Variants in RBM6 observed in about 807,000 individuals in gnomAD.
RBM6 encodes RNA binding motif protein 6.
A neutral mutation model predicts 140.4 loss-of-function variants in RBM6; 23 were observed. The observed-to-expected ratio is 0.16, with a 90% CI of 0.12 to 0.23. The LOEUF is 0.23. RBM6 is among the 10% of genes least tolerant of loss of function. The probability of loss-of-function intolerance (pLI) is 1.00; values close to 1 mark genes in which losing one functional copy is unlikely to be tolerated. For synonymous variants in RBM6, 439 were observed against 475.6 expected, an observed-to-expected ratio of 0.92 and a Z score of 1.00; for missense variants, 1,139 against 1,386.7, an observed-to-expected ratio of 0.82 and a Z score of 2.84.
At chr3:49,981,905 T>C (rs1161580082) in intron 5 of RBM6, among the ~76,000 whole-genome samples, 5 of 152,196 alleles carry the variant, frequency 3.3e-5, no homozygotes. Flanking sequence ...ATTTATATCA[T>C]TTAAGCAAAA....
intron 19 of RBM6, among the ~76,000 whole-genome samples, chr3:50,073,551 C>T (rs2090368423): frequency 6.6e-6 from 1 of 152,114 alleles, no homozygotes; most frequent in East Asian, 1.9e-4. Flanking sequence ...GATTATGTTT[C>T]CAACATATGT....
chr3:49,970,845 T>C (rs2084756009), intron 3 of RBM6, among the ~76,000 whole-genome samples: 1 of 151,618 alleles, frequency 6.6e-6, no homozygotes, highest in Non-Finnish European at 1.5e-5. Flanking sequence ...GGAAGAAAAA[T>C]AAGGCCAGGC....
At chr3:50,072,325 G>A (rs1182247759) in intron 19 of RBM6, among the ~76,000 whole-genome samples, 1 of 151,438 alleles carries the variant, frequency 6.6e-6, no homozygotes, top group Admixed American at 6.6e-5. Context: ...CAGGAGAATC[G>A]CTTGAACATG....
chr3:50,047,533 C>T (rs2089279069), intron 6 of RBM6, among the ~76,000 whole-genome samples: 2 of 152,172 alleles, frequency 1.3e-5, no homozygotes, highest in African/African-American at 4.8e-5. Flanking sequence ...TGTTCCTGTG[C>T]CAGACTTTCC....
chr3:50,032,063 C>T (rs1438630108), intron 6 of RBM6, among the ~76,000 whole-genome samples: 1 of 152,178 alleles, frequency 6.6e-6, no homozygotes, highest in Non-Finnish European at 1.5e-5. Context: ...TTAGTCATAG[C>T]CACACTTCAG....
intron 5 of RBM6, 118 bp downstream of exon 5, chr3:49,975,510 C>A: frequency 1.2e-6 from 1 of 813,356 alleles, no homozygotes; most frequent in Non-Finnish European, 2.1e-6. Flanking sequence ...CAGAAGCCTC[C>A]CGTTGGTGCC....
intron 2 of RBM6, among the ~76,000 whole-genome samples, chr3:49,963,291 T>C (rs1003305143): frequency 6.6e-6 from 1 of 151,974 alleles, no homozygotes; most frequent in African/African-American, 2.4e-5. Context: ...TGGAGTGCAG[T>C]GGTGCGATCT....
chr3:50,025,444 C>G (rs566345811), intron 6 of RBM6, among the ~76,000 whole-genome samples: 1 of 151,080 alleles, frequency 6.6e-6, no homozygotes, highest in Non-Finnish European at 1.5e-5. Flanking sequence ...CAAAACACCA[C>G]GGAATTGTTA....
chr3:49,991,943 T>TTTTATTTTATTTTATTTTA (rs1553645330), intron 5 of RBM6, among the ~76,000 whole-genome samples: 2 of 150,594 alleles, frequency 1.3e-5, no homozygotes, highest in African/African-American at 4.9e-5. Flanking sequence ...TTTTATTTTA[T>TTTTATTTTATTTTATTTTA]TTTATTTATT....
chr3:50,026,285 G>A (rs536003055), intron 6 of RBM6, among the ~76,000 whole-genome samples: 26 of 151,410 alleles, frequency 1.7e-4, no homozygotes, highest in Non-Finnish European at 3.4e-4. Context: ...GTTTCACCAT[G>A]TTGGCCAGGC....
At chr3:49,986,329 T>C (rs1002263015) in intron 5 of RBM6, among the ~76,000 whole-genome samples, 15 of 151,252 alleles carry the variant, frequency 9.9e-5, no homozygotes, top group Admixed American at 9.8e-4. Flanking sequence ...GTGCGGTGGC[T>C]CACGCGTGTG....
chr3:50,061,919 CTG>C (rs2089957965), intron 14 of RBM6, 41 bp from the exon 15 acceptor site: 1 of 1,590,614 alleles, frequency 6.3e-7, no homozygotes, highest in East Asian at 2.2e-5. Flanking sequence ...TGCTGGGAAA[CTG>C]AAACATTCTG....
At chr3:49,984,484 A>G (rs1411977394) in intron 5 of RBM6, among the ~76,000 whole-genome samples, 1 of 152,102 alleles carries the variant, frequency 6.6e-6, no homozygotes, top group Non-Finnish European at 1.5e-5. Context: ...GTGTATGCCT[A>G]TAATCCCAGT....
chr3:50,055,101 C>T (rs982034454), intron 8 of RBM6, among the ~76,000 whole-genome samples: 2 of 152,324 alleles, frequency 1.3e-5, no homozygotes, highest in South Asian at 2.1e-4. Context: ...CGATTACAGG[C>T]GTGAACCACC....
intron 1 of RBM6, 79 bp from the exon 2 acceptor site, chr3:49,962,497 A>G (rs2084329139): frequency 2.8e-6 from 2 of 703,322 alleles, no homozygotes; most frequent in Admixed American, 2.8e-5. Context: ...GTGGTCCCTC[A>G]TAAACCAAGC....
chr3:50,043,482 T>A (rs2089040278), intron 6 of RBM6, among the ~76,000 whole-genome samples: 1 of 90,508 alleles, frequency 1.1e-5, no homozygotes, highest in South Asian at 6.7e-4. Flanking sequence ...AGCAAGACCC[T>A]GTCTCAAAAA....
intron 6 of RBM6, among the ~76,000 whole-genome samples, chr3:50,023,387 C>T (rs2087619986): frequency 6.6e-6 from 1 of 152,122 alleles, no homozygotes; most frequent in Non-Finnish European, 1.5e-5. Flanking sequence ...CTGACTGCAA[C>T]CTCCGCCTCC....
At chr3:50,019,398 C>T (rs1251516205) in intron 6 of RBM6, among the ~76,000 whole-genome samples, 1 of 152,106 alleles carries the variant, frequency 6.6e-6, no homozygotes, top group Non-Finnish European at 1.5e-5. Context: ...CTTTCTAATC[C>T]ATATACCTTT....
At chr3:49,942,158 G>C (rs1365512491) in intron 1 of RBM6, among the ~76,000 whole-genome samples, 2 of 151,284 alleles carry the variant, frequency 1.3e-5, no homozygotes, top group Admixed American at 1.3e-4. Context: ...GTATGTTTAT[G>C]TATATTTTAA....
Sources: allele counts gnomAD v4.1 joint callset (sites outside exome capture counted in the v4.1 genomes callset), GRCh38; gene constraint gnomAD v4.1.1; transcripts MANE v1.5; gene names NCBI Gene and HGNC (gene_info 2026-07-23, HGNC 2026-07-21).